Variants in IFT140 observed in about 807,000 individuals in gnomAD.
IFT140 encodes the protein intraflagellar transport protein 140 homolog.
A neutral mutation model predicts 164.6 loss-of-function variants in IFT140; 133 were observed. That is an observed-to-expected ratio of 0.81 (90% CI 0.70 to 0.93). The LOEUF (loss-of-function observed/expected upper bound fraction) is 0.93. IFT140 is among the 40% of genes least tolerant of loss of function. IFT140 has a pLI of 0.00. For synonymous variants in IFT140, 860 were observed against 817.3 expected, an observed-to-expected ratio of 1.05 and a Z score of -0.89; for missense variants, 2,045 against 1,972.3, an observed-to-expected ratio of 1.04 and a Z score of -0.70.
intron 4 of IFT140, among the ~76,000 whole-genome samples, chr16:1,601,628 T>G (rs1359760007): frequency 1.3e-5 from 2 of 152,248 alleles, no homozygotes; most frequent in Non-Finnish European, 1.5e-5. Context: ...GTCCTTGCAC[T>G]GTTCTTTCAA....
In IFT140 at chr16:1,557,760, G is replaced by A. The variant is rs368488038; in HGVS notation, c.2399+175C>T. The A allele has an allele frequency of 7.7e-6, 5 of 653,190 alleles. No homozygotes were observed. The East Asian group carries it at 8.0e-5, about 10-fold the overall frequency. The allele number at this position is 653,190 out of a possible 1,614,324, so 40.5% of individuals were successfully genotyped here. ...ACCAGAGAGGCTGAGAGCTTCCCAC[G>A]TGGCATCTGCAAGCTGGGCAGCATT... On this transcript the variant is annotated intron_variant, in intron 19 of 30. Transcript: ENST00000426508.
At chr16:1,598,462 A>T (rs1010959410) in intron 4 of IFT140, among the ~76,000 whole-genome samples, 1 of 152,178 alleles carries the variant, frequency 6.6e-6, no homozygotes, top group South Asian at 2.1e-4. Flanking sequence ...TGTCTCAAAA[A>T]AAAAACAGAA....
intron 3 of IFT140, among the ~76,000 whole-genome samples, chr16:1,605,257 A>G (rs2035999674): frequency 6.6e-6 from 1 of 152,156 alleles, no homozygotes; most frequent in African/African-American, 2.4e-5. Flanking sequence ...AGGACTTCAC[A>G]GGAGTGTGGT....
Position 1,557,985 on chromosome 16 carries a change from G to A in IFT140, c.2349C>T (p.Val783=), listed in dbSNP as rs1361431772. 1 of 1,613,956 alleles carries A rather than the reference G, an allele frequency of 6.2e-7. No homozygotes were observed. Among genetic ancestry groups the A allele is most frequent in the Non-Finnish European group, 8.5e-7 (1 of 1,180,046 alleles). Residue 783 remains valine, a synonymous_variant, in exon 19 of 31, where the codon GTC becomes GTT. Transcript: ENST00000426508. ...RDAMLHFSFF[V]TIGDMDEAFK... ...AGGCTTCGTCCATGTCTCCTATGGTGACAAAGAAGCTGAAGTGGAGCATGG... is the reference window on the plus strand; with the variant it reads ...AGGCTTCGTCCATGTCTCCTATGGTAACAAAGAAGCTGAAGTGGAGCATGG...
In IFT140 at chr16:1,607,297, C is replaced by T. The variant is rs764663872; in HGVS notation, c.-31G>A. 9 of 1,584,644 alleles carry T rather than the reference C, an allele frequency of 5.7e-6. No individual in the cohort carries two copies. The highest frequency in any genetic ancestry group is 7.7e-6 in the Non-Finnish European group (9 of 1,167,822). On this transcript the variant is annotated splice_region_variant and 5_prime_UTR_variant, in exon 3 of 31. Coordinates refer to ENST00000426508, the MANE Select transcript of IFT140 (RefSeq NM_014714.4). Reference sequence around the variant, plus strand: ...AACTCAGGCCTCCTCAGCGCTGAAACCTGCAGGGAAAAAAAAATGACCAAG... The same window carrying T: ...AACTCAGGCCTCCTCAGCGCTGAAATCTGCAGGGAAAAAAAAATGACCAAG...
Position 1,583,474 on chromosome 16 carries a change from T to G in IFT140, c.1360-88A>C, listed in dbSNP as rs546818277. The G allele has an allele frequency of 4.3e-4, 444 of 1,029,320 alleles. 4 individuals are homozygous for G. The South Asian group carries it at 6.1e-3, about 14-fold the overall frequency. The allele number at this position is 1,029,320 out of a possible 1,614,324, so 63.8% of individuals were successfully genotyped here. ...CACTGCACACCTCGAAAGCCTCCTC[T>G]AAACACTTCTGAACACTGCTGCTCC... On this transcript the variant is annotated intron_variant, in intron 11 of 30. Coordinates refer to ENST00000426508, the MANE Select transcript of IFT140 (RefSeq NM_014714.4).
chr16:1,528,315 G>A (rs566983821), intron 19 of IFT140, among the ~76,000 whole-genome samples: 36 of 144,406 alleles, frequency 2.5e-4, no homozygotes, highest in African/African-American at 5.2e-4. Context: ...ACACACACAC[G>A]CACGCATGCA....
At chr16:1,561,895 C>A in intron 18 of IFT140, 90 bp downstream of exon 18, 3 of 1,348,424 alleles carry the variant, frequency 2.2e-6, no homozygotes, top group Admixed American at 5.2e-5. Context: ...AGGGCTAACT[C>A]ACATTTCAGC....
chr16:1,557,336 T>C (rs1596360907), intron 19 of IFT140, among the ~76,000 whole-genome samples: 1 of 152,076 alleles, frequency 6.6e-6, no homozygotes, highest in African/African-American at 2.4e-5. Flanking sequence ...CGGGCCGGGG[T>C]CCTGCACCCT....
In IFT140 at chr16:1,525,914, C is replaced by T. The variant is rs369848545; in HGVS notation, c.2741G>A (p.Ser914Asn). ...ACTGAGGGCCCGGCTGCAGTCGGCG[C>T]TGGCCTCCAGGTGCCCGGCATAGCG... ...YHRYAGHLEA[S>N]ADCSRALSYY... is the part of the protein sequence containing the mutation. The change falls in exon 21 of 31, where the codon AGC (serine) becomes AAC (asparagine). Residue 914 changes from serine to asparagine, a missense_variant. Coordinates refer to ENST00000426508, the MANE Select transcript of IFT140 (RefSeq NM_014714.4). The T allele has an allele frequency of 1.2e-5, 19 of 1,560,730 alleles. 1 individual carries two copies. In the African/African-American group the frequency reaches 2.0e-4, roughly 17 times the overall value.
rs1417541513 is a variant in IFT140 at position 1,535,770 on chromosome 16, A to G, written c.2400-8974T>C. ...TCAAAGGCCCTCGGCTGCACCGCAC[A>G]GCCTGGACTGCGCACTTCCTCTCGC... On this transcript the variant is annotated intron_variant, in intron 19 of 30. Coordinates refer to ENST00000426508, the MANE Select transcript of IFT140 (RefSeq NM_014714.4). Among the ~76,000 whole-genome samples the G allele has an allele frequency of 2.0e-5, 3 of 152,256 alleles. No individual in the cohort carries two copies. The East Asian group carries it at 5.8e-4, about 29-fold the overall frequency.
At chr16:1,600,492 A>G (rs1447433026) in intron 4 of IFT140, among the ~76,000 whole-genome samples, 2 of 152,224 alleles carry the variant, frequency 1.3e-5, no homozygotes, top group African/African-American at 4.8e-5. Flanking sequence ...CACAGGTGCA[A>G]AATGGCAAAA....
chr16:1,572,336 A>C (rs775814564), intron 13 of IFT140, among the ~76,000 whole-genome samples: 1 of 152,220 alleles, frequency 6.6e-6, no homozygotes. Flanking sequence ...CACGTCCCAC[A>C]GTCGGCACGT....
At chr16:1,526,437 C>T (rs1206604859) in intron 20 of IFT140, 182 bp downstream of exon 20, 3 of 704,824 alleles carry the variant, frequency 4.3e-6, no homozygotes, top group Non-Finnish European at 6.8e-6. Context: ...CGGCGGTCGC[C>T]TAGCCTCCAC....
chr16:1,601,940 T>C (rs946255520), intron 4 of IFT140, among the ~76,000 whole-genome samples: 1 of 152,210 alleles, frequency 6.6e-6, no homozygotes, highest in African/African-American at 2.4e-5. Context: ...GTCTGTCCTG[T>C]GTACTGTGTG....
rs572455985 is a variant in IFT140 at position 1,555,262 on chromosome 16, C to T, written c.2399+2673G>A. 1.9e-5 allele frequency: 10 copies of T among 537,436 alleles called. No individual in the cohort carries two copies. The East Asian group carries it at 2.0e-4, about 11-fold the overall frequency. The allele number at this position is 537,436 out of a possible 1,614,324, so 33.3% of individuals were successfully genotyped here. ...TCCAGCTTTCCTGGTTAGCGCAACG[C>T]GGCTCCACGACCACACGCACTTCAG... On this transcript the variant is annotated intron_variant, in intron 19 of 30. Coordinates refer to ENST00000426508, the MANE Select transcript of IFT140 (RefSeq NM_014714.4).
chr16:1,526,504 T>C (rs2040701754), intron 20 of IFT140, 115 bp downstream of exon 20: 1 of 1,134,214 alleles, frequency 8.8e-7, no homozygotes, highest in African/African-American at 1.6e-5. Context: ...GCCTCTCGGC[T>C]CTGCCCACAT....
chr16:1,570,679 T>C (rs2033968188), intron 14 of IFT140, among the ~76,000 whole-genome samples: 2 of 152,228 alleles, frequency 1.3e-5, no homozygotes, highest in South Asian at 4.1e-4. Context: ...CACCCTTTAG[T>C]GAAGCTGTTT....
intron 13 of IFT140, among the ~76,000 whole-genome samples, chr16:1,578,878 A>G (rs1596398562): frequency 6.6e-6 from 1 of 151,500 alleles, no homozygotes. Flanking sequence ...CACTCAGCCA[A>G]TTTTTTTTTG....
Sources: gnomAD v4.1 joint callset for allele counts (sites outside exome capture counted in the v4.1 genomes callset) on GRCh38, gnomAD v4.1.1 for gene constraint, MANE v1.5 for transcripts, NCBI Gene and HGNC (gene_info 2026-07-23, HGNC 2026-07-21) for gene names.